The following RB1CC1 variants were observed in gnomAD, a reference collection of about 807,000 sequenced individuals.
The protein encoded by RB1CC1 is RB1-inducible coiled-coil protein 1.
RB1CC1 carries 46 observed loss-of-function variants against 177.5 expected under a neutral mutation model. That is an observed-to-expected ratio of 0.26 (90% CI 0.20 to 0.33). The LOEUF is 0.33. RB1CC1 is among the 10% of genes least tolerant of loss of function. The pLI, the probability that RB1CC1 is intolerant of heterozygous loss-of-function variation, is 1.00. For synonymous variants in RB1CC1, 666 were observed against 613.6 expected, an observed-to-expected ratio of 1.09 and a Z score of -1.26; for missense variants, 1,703 against 1,816.3, an observed-to-expected ratio of 0.94 and a Z score of 1.13.
chr8:52,649,561 T>G (rs990386153), intron 15 of RB1CC1, among the ~76,000 whole-genome samples: 1 of 152,178 alleles, frequency 6.6e-6, no homozygotes, highest in Non-Finnish European at 1.5e-5. Context: ...ACTTGAACCC[T>G]GGAGGCAGAG....
At chr8:52,647,758 T>C (rs1432806641) in intron 15 of RB1CC1, among the ~76,000 whole-genome samples, 1 of 152,178 alleles carries the variant, frequency 6.6e-6, no homozygotes, top group Non-Finnish European at 1.5e-5. Context: ...GTAAAGGTTA[T>C]GAATTTTATT....
intron 15 of RB1CC1, 48 bp downstream of exon 15, chr8:52,655,960 A>G: frequency 7.2e-7 from 1 of 1,389,542 alleles, no homozygotes; most frequent in Non-Finnish European, 9.8e-7. Context: ...ACACAAACGA[A>G]TCACTGATAT....
At chr8:52,702,344 C>A (rs1370773661) in intron 1 of RB1CC1, among the ~76,000 whole-genome samples, 1 of 152,074 alleles carries the variant, frequency 6.6e-6, no homozygotes, top group Non-Finnish European at 1.5e-5. Flanking sequence ...TAATCTAAGT[C>A]AAAGTTATAA....
intron 7 of RB1CC1, among the ~76,000 whole-genome samples, chr8:52,671,850 C>T (rs1288349790): frequency 6.6e-6 from 1 of 151,912 alleles, no homozygotes; most frequent in Non-Finnish European, 1.5e-5. Context: ...GCTACTCCTC[C>T]TGATAGAGTA....
intron 15 of RB1CC1, among the ~76,000 whole-genome samples, chr8:52,649,062 TATTTC>T (rs1255076486): frequency 6.6e-6 from 1 of 152,344 alleles, no homozygotes; most frequent in Admixed American, 6.5e-5. Flanking sequence ...AGGAATTGTT[TATTTC>T]ATTTAATACT....
At chr8:52,701,466 G>GT (rs1856046431) in intron 1 of RB1CC1, among the ~76,000 whole-genome samples, 1 of 152,148 alleles carries the variant, frequency 6.6e-6, no homozygotes, top group Admixed American at 6.5e-5. Flanking sequence ...GGAAAAAGGA[G>GT]TTTGATTACT....
At chr8:52,630,208 G>A (rs891455375) in intron 21 of RB1CC1, among the ~76,000 whole-genome samples, 7 of 152,174 alleles carry the variant, frequency 4.6e-5, no homozygotes, top group African/African-American at 1.7e-4. Context: ...AGCACATGCT[G>A]AAAAGTTAAC....
intron 8 of RB1CC1, among the ~76,000 whole-genome samples, chr8:52,664,290 TTC>T (rs1325131977): frequency 4.6e-5 from 7 of 152,138 alleles, no homozygotes; most frequent in Admixed American, 2.6e-4. Context: ...GGGTCTATAT[TTC>T]TGTCTTAAAT....
At position 52,668,006 on chromosome 8, in the gene RB1CC1, G is replaced by A. The variant is rs1852225776; in HGVS notation, c.1173+15C>T. The A allele has an allele frequency of 4.4e-6, 7 of 1,601,352 alleles. No individual in the cohort carries two copies. The African/African-American group carries it at 9.4e-5, about 22-fold the overall frequency. On this transcript the variant is annotated intron_variant, in intron 8 of 23. Transcript: ENST00000025008. ...CTATAAATTCCTTTTCCTGAGAAAA[G>A]TCTAAAATAGGTACCTGAGCAAGCT...
At chr8:52,696,441 C>CCATAAA (rs773832766) in intron 1 of RB1CC1, among the ~76,000 whole-genome samples, 7 of 152,132 alleles carry the variant, frequency 4.6e-5, no homozygotes, top group Non-Finnish European at 1.0e-4. Flanking sequence ...TCTTAATATG[C>CCATAAA]CATAAAGCAA....
At chr8:52,699,716 G>A (rs1313989593) in intron 1 of RB1CC1, among the ~76,000 whole-genome samples, 6 of 145,908 alleles carry the variant, frequency 4.1e-5, no homozygotes, top group African/African-American at 1.5e-4. Flanking sequence ...CTACCTGAGA[G>A]GCTGAGGCAA....
intron 7 of RB1CC1, among the ~76,000 whole-genome samples, chr8:52,668,744 T>TA (rs1208488410): frequency 6.6e-6 from 1 of 152,148 alleles, no homozygotes; most frequent in Non-Finnish European, 1.5e-5. Flanking sequence ...CCTGGTCCCT[T>TA]AAAAAAATAT....
At chr8:52,707,042 A>G (rs1306267994) in intron 1 of RB1CC1, among the ~76,000 whole-genome samples, 2 of 152,222 alleles carry the variant, frequency 1.3e-5, no homozygotes, top group African/African-American at 2.4e-5. Flanking sequence ...AGTATATTCA[A>G]GTCCTGGCCC....
At chr8:52,668,219 A>G in intron 7 of RB1CC1, 28 bp from the exon 8 acceptor site, 1 of 1,605,310 alleles carries the variant, frequency 6.2e-7, no homozygotes, top group Non-Finnish European at 8.5e-7. Flanking sequence ...ACATACGAAT[A>G]CAATTTTCAG....
At chr8:52,675,714 C>CAAAAAAA (rs1306544323) in intron 6 of RB1CC1, among the ~76,000 whole-genome samples, 7 of 61,274 alleles carry the variant, frequency 1.1e-4, no homozygotes, top group South Asian at 7.1e-4. Flanking sequence ...ACTAAAAATC[C>CAAAAAAA]AAAAAAAAAA....
chr8:52,624,133 A>G (rs1347846261), intron 23 of RB1CC1, among the ~76,000 whole-genome samples: 1 of 151,876 alleles, frequency 6.6e-6, no homozygotes, highest in African/African-American at 2.4e-5. Flanking sequence ...GCTAAAGAAT[A>G]TAATACAAAG....
At chr8:52,675,754 G>A (rs1853059721) in intron 6 of RB1CC1, among the ~76,000 whole-genome samples, 1 of 150,350 alleles carries the variant, frequency 6.7e-6, no homozygotes. Flanking sequence ...GAGCGTGGTG[G>A]CGGGCACCTG....
rs889430177 is a variant in RB1CC1 at position 52,714,406 on chromosome 8, G to C, written c.-498C>G. 6.6e-6 allele frequency: 1 copy of C among 152,502 alleles called. No homozygotes were observed. Among genetic ancestry groups the C allele is most frequent in the Admixed American group, 6.5e-5 (1 of 15,288 alleles). The allele number at this position is 152,502 out of a possible 1,614,324, so 9.4% of individuals were successfully genotyped here. On this transcript the variant is annotated 5_prime_UTR_variant, in exon 1 of 24. Transcript: ENST00000025008. ...AGGGCTCGGCAGGGCCGCGGACACC[G>C]CCGCGGCTTGGTTTGTTATTGTCGA...
intron 8 of RB1CC1, among the ~76,000 whole-genome samples, chr8:52,664,517 C>T (rs531310865): frequency 4.6e-5 from 7 of 152,224 alleles, no homozygotes; most frequent in Admixed American, 2.6e-4. Context: ...CCATGAGCTA[C>T]CATAGTTTAA....
Sources: gnomAD v4.1 joint callset for allele counts (sites outside exome capture counted in the v4.1 genomes callset) on GRCh38, gnomAD v4.1.1 for gene constraint, MANE v1.5 for transcripts, NCBI Gene and HGNC (gene_info 2026-07-23, HGNC 2026-07-21) for gene names.